The following EPB41 variants were observed in gnomAD, a reference collection of about 807,000 sequenced individuals.
EPB41 encodes erythrocyte membrane protein band 4.1, also known as protein 4.1.
EPB41 carries 65 observed loss-of-function variants against 108.0 expected under a neutral mutation model. That is an observed-to-expected ratio of 0.60 (90% confidence interval 0.49 to 0.74). The LOEUF (loss-of-function observed/expected upper bound fraction) is 0.74. EPB41 is among the 30% of genes least tolerant of loss of function. The probability of loss-of-function intolerance (pLI) is 0.00; values close to 1 mark genes in which losing one functional copy is unlikely to be tolerated. For missense variants in EPB41, 875 were observed against 1,037.0 expected, an observed-to-expected ratio of 0.84 and a Z score of 2.15; for synonymous variants, 336 against 358.9, an observed-to-expected ratio of 0.94 and a Z score of 0.72.
intron 11 of EPB41, among the ~76,000 whole-genome samples, 174 bp from the exon 12 acceptor site, chr1:29,052,930 A>G (rs528759067): frequency 3.9e-5 from 6 of 152,304 alleles, no homozygotes; most frequent in Non-Finnish European, 7.4e-5. Context: ...CCTTGTTGCT[A>G]TCAGTTCCCT....
chr1:29,079,724 G>A (rs928374669), intron 16 of EPB41, among the ~76,000 whole-genome samples: 1 of 152,186 alleles, frequency 6.6e-6, no homozygotes, highest in African/African-American at 2.4e-5. Context: ...GCTGGGTGCA[G>A]TGGCTCACAC....
Position 29,115,294 on chromosome 1 carries a change from G to A in EPB41, c.2497-405G>A, listed in dbSNP as rs1670529331. Among the ~76,000 whole-genome samples, 1 of 152,164 alleles carries A rather than the reference G, an allele frequency of 6.6e-6. No homozygotes were observed. Among genetic ancestry groups the A allele is most frequent in the African/African-American group, 2.4e-5 (1 of 41,420 alleles). ...CGTAATCCCAGCTACTCAGGAGGCT[G>A]AAGCAGGAGAACTGCTTGAACCTGG... On this transcript the variant is annotated intron_variant, in intron 19 of 20. Coordinates refer to ENST00000343067, the MANE Select transcript of EPB41 (RefSeq NM_001376013.1). This position sits in a 1 kb window ranked among gnomAD's most constrained non-coding sequence, Gnocchi z 4.4.
At chr1:28,995,187 A>G (rs1486322879) in intron 3 of EPB41, among the ~76,000 whole-genome samples, 1 of 151,968 alleles carries the variant, frequency 6.6e-6, no homozygotes, top group Admixed American at 6.6e-5. Context: ...GCTATTTTAC[A>G]CCTATTCTTC....
At chr1:28,945,895 T>C (rs1456925105) in intron 1 of EPB41, among the ~76,000 whole-genome samples, 2 of 152,226 alleles carry the variant, frequency 1.3e-5, no homozygotes, top group African/African-American at 4.8e-5. Flanking sequence ...CTGGTTAATA[T>C]AGCCTGGTTT....
At chr1:28,929,843 C>CTTTTTTTTTTT (rs56337991) in intron 1 of EPB41, among the ~76,000 whole-genome samples, 2 of 101,872 alleles carry the variant, frequency 2.0e-5, no homozygotes, top group South Asian at 3.3e-4. Flanking sequence ...ACTGGGCCTT[C>CTTTTTTTTTTT]TTTTTTTTTT....
intron 7 of EPB41, among the ~76,000 whole-genome samples, chr1:29,027,847 G>A (rs1363115384): frequency 2.0e-5 from 3 of 151,726 alleles, no homozygotes; most frequent in South Asian, 2.1e-4. Context: ...TTTGTGAGAC[G>A]GAGTTTCGCT....
chr1:29,053,514 A>G, intron 12 of EPB41: 4 of 646,840 alleles, frequency 6.2e-6, no homozygotes, highest in Admixed American at 5.1e-5. Flanking sequence ...AAGCTATCTC[A>G]GAAGTTATAA....
At chr1:29,005,245 G>T (rs1366755100) in intron 4 of EPB41, among the ~76,000 whole-genome samples, 4 of 151,992 alleles carry the variant, frequency 2.6e-5, no homozygotes, top group Non-Finnish European at 1.5e-5. Flanking sequence ...AGGAAGAGGG[G>T]GTGGGATGCT....
At chr1:29,104,484 C>G (rs1381187867) in intron 17 of EPB41, among the ~76,000 whole-genome samples, 2 of 152,172 alleles carry the variant, frequency 1.3e-5, no homozygotes, top group Non-Finnish European at 2.9e-5. Context: ...GGCATGACCA[C>G]AGTTCACTGC....
chr1:28,945,539 G>A (rs148209806), intron 1 of EPB41, among the ~76,000 whole-genome samples: 12 of 152,192 alleles, frequency 7.9e-5, no homozygotes, highest in East Asian at 7.7e-4. Flanking sequence ...TGCAACCATA[G>A]CATCACCCTA....
rs756390517 is a variant in EPB41, at chr1:29,011,869, G to T, written c.791G>T (p.Trp264Leu). 5.0e-6 allele frequency: 8 copies of T among 1,614,048 alleles called. No individual in the cohort carries two copies. The highest frequency in any genetic ancestry group is 6.8e-6 in the Non-Finnish European group (8 of 1,179,962). The change falls in exon 5 of 21, where the codon TGG becomes TTG. Residue 264 changes from tryptophan to leucine, a missense_variant. By Grantham distance (61) the Trp-to-Leu change is moderately conservative. Around this residue, in one of 3 missense-constraint regions of EPB41, gnomAD observed 353 missense variants for 393.2 expected, o/e 0.90. Coordinates refer to ENST00000343067, the MANE Select transcript of EPB41 (RefSeq NM_001376013.1). ...AIWDNATSKT[W>L]LDSAKEIKKQ... is the part of the protein sequence containing the mutation. ...TGCCTTTTCTCCTTTTTACAGACAT[G>T]GCTGGATTCCGCCAAAGAAATAAAA... is the stretch of plus-strand genomic sequence containing the variant.
At chr1:28,951,450 T>C (rs1054432101) in intron 1 of EPB41, among the ~76,000 whole-genome samples, 6 of 151,368 alleles carry the variant, frequency 4.0e-5, no homozygotes, top group South Asian at 4.2e-4. Flanking sequence ...ACTACAGTAA[T>C]GGAGTAGAAG....
At chr1:28,965,232 A>G (rs911699012) in intron 1 of EPB41, among the ~76,000 whole-genome samples, 1 of 152,198 alleles carries the variant, frequency 6.6e-6, no homozygotes, top group African/African-American at 2.4e-5. Flanking sequence ...CAAAGGAGAA[A>G]AAAGAAAAAT....
Position 28,987,873 on chromosome 1 carries a change from G to T in EPB41, c.436G>T (p.Asp146Tyr). 6.2e-7 allele frequency: 1 copy of T among 1,614,208 alleles called. No individual in the cohort carries two copies. Among genetic ancestry groups the T allele is most frequent in the Non-Finnish European group, 8.5e-7 (1 of 1,180,040 alleles). ...EPELKTDPSL[D>Y]LHSLSSAETQ... ...GGAACTCAAAACAGACCCATCTTTG[G>T]ATCTTCATTCATTAAGCAGTGCAGA... Residue 146 changes from aspartate to tyrosine, a missense_variant, in exon 2 of 21, where the codon GAT becomes TAT. Transcript: ENST00000343067.
intron 1 of EPB41, among the ~76,000 whole-genome samples, chr1:28,922,626 A>AT (rs11353802): frequency 2.3e-4 from 29 of 127,286 alleles, no homozygotes; most frequent in Non-Finnish European, 2.9e-4. Context: ...TAGAGACAGG[A>AT]TTTTTTTTTT....
chr1:29,106,683 C>T (rs907741464), intron 17 of EPB41, among the ~76,000 whole-genome samples: 1 of 144,728 alleles, frequency 6.9e-6, no homozygotes, highest in African/African-American at 2.5e-5. Flanking sequence ...AAGAGATTCT[C>T]CTGCCTCAGC....
intron 1 of EPB41, among the ~76,000 whole-genome samples, chr1:28,903,977 C>T (rs910479247): frequency 2.0e-5 from 3 of 152,028 alleles, no homozygotes; most frequent in African/African-American, 7.2e-5. Flanking sequence ...AGCGATTCTC[C>T]TGCCTCAGCC....
At chr1:28,944,424 A>G (rs1478026282) in intron 1 of EPB41, among the ~76,000 whole-genome samples, 1 of 152,090 alleles carries the variant, frequency 6.6e-6, no homozygotes, top group Non-Finnish European at 1.5e-5. Context: ...CGCATTCTCC[A>G]TGATGTGCTT....
chr1:29,085,557 G>A (rs1210221687), intron 16 of EPB41, among the ~76,000 whole-genome samples: 2 of 152,040 alleles, frequency 1.3e-5, no homozygotes, highest in Admixed American at 6.6e-5. Flanking sequence ...TTTTCCACCA[G>A]TTATACAGAT....
Sources: gnomAD v4.1 joint callset for allele counts (sites outside exome capture counted in the v4.1 genomes callset) on GRCh38, gnomAD v4.1.1 for gene constraint, gnomAD v4.1.1 regional missense constraint, Gnocchi (gnomAD v3.1) non-coding constraint, MANE v1.5 for transcripts, NCBI Gene and HGNC (gene_info 2026-07-23, HGNC 2026-07-21) for gene names.